CCDC102B: variants seen among roughly 807,000 people sequenced by gnomAD.
CCDC102B encodes the protein coiled-coil domain-containing protein 102B.
In CCDC102B, 75 loss-of-function variants were observed where a neutral mutation model predicts 57.4. The ratio of observed to expected loss-of-function variants is 1.31; its 90% CI spans 1.08 to 1.58. The LOEUF (loss-of-function observed/expected upper bound fraction) is 1.58, where lower values mean the gene tolerates loss of function less well. Among genes scored for constraint, CCDC102B ranks in the 40% most tolerant of loss-of-function variants. The probability of loss-of-function intolerance (pLI) is 0.00; values close to 1 mark genes in which losing one functional copy is unlikely to be tolerated. For synonymous variants in CCDC102B, 206 were observed against 201.9 expected, an observed-to-expected ratio of 1.02 and a Z score of -0.17; for missense variants, 636 against 582.6, an observed-to-expected ratio of 1.09 and a Z score of -0.94.
intron 4 of CCDC102B, among the ~76,000 whole-genome samples, chr18:68,872,571 A>G (rs2039281402): frequency 6.6e-6 from 1 of 151,734 alleles, no homozygotes; most frequent in African/African-American, 2.4e-5. Context: ...ATTCTCTTTT[A>G]TATCTTACAT....
At chr18:68,851,045 T>C (rs1234602635) in intron 4 of CCDC102B, among the ~76,000 whole-genome samples, 2 of 152,210 alleles carry the variant, frequency 1.3e-5, no homozygotes, top group East Asian at 3.8e-4. Context: ...GTCAGCTTCA[T>C]GAGGATATAG....
intron 2 of CCDC102B, among the ~76,000 whole-genome samples, chr18:68,777,215 A>AT (rs1349646786): frequency 6.6e-6 from 1 of 152,178 alleles, no homozygotes; most frequent in African/African-American, 2.4e-5. Flanking sequence ...AACACTCAAT[A>AT]CAAGATCAAG....
At chr18:68,949,973 A>G (rs2049649204) in intron 6 of CCDC102B, among the ~76,000 whole-genome samples, 1 of 152,114 alleles carries the variant, frequency 6.6e-6, no homozygotes, top group South Asian at 2.1e-4. Context: ...GATATCACCA[A>G]CCAGAATACT....
chr18:68,815,460 T>A (rs2036435985), intron 1 of CCDC102B, among the ~76,000 whole-genome samples: 1 of 152,210 alleles, frequency 6.6e-6, no homozygotes, highest in Admixed American at 6.5e-5. Context: ...CTAGTCACTG[T>A]GAAGACAAGG....
Position 68,998,985 on chromosome 18 carries a change from TATATATATATATATAGAG to T in CCDC102B, c.1264-11947_1264-11930del, listed in dbSNP as rs1241009140. Among the ~76,000 whole-genome samples the T allele has an allele frequency of 9.1e-3, 687 of 75,504 alleles. 4 individuals are homozygous for T. Among genetic ancestry groups the T allele is most frequent in the African/African-American group, 0.027 (610 of 22,798 alleles). 49.5% of individuals were successfully genotyped at this position (75,504 alleles called of 152,430 possible). ...TAATCATCATATATATATATATATA[TATATATATATATATAGAG>T]AGAGAGAGAGAGAGAGAGAGAGAGA... On this transcript the variant is annotated intron_variant, in intron 6 of 7. Coordinates refer to ENST00000360242, the MANE Select transcript of CCDC102B (RefSeq NM_024781.3).
intron 6 of CCDC102B, among the ~76,000 whole-genome samples, chr18:68,942,504 T>C (rs571219286): frequency 4.0e-5 from 6 of 151,852 alleles, no homozygotes; most frequent in Non-Finnish European, 8.8e-5. Context: ...AGGGTAGTAA[T>C]GGAGAGAGGG....
At chr18:68,906,515 T>C (rs1195940914) in intron 6 of CCDC102B, among the ~76,000 whole-genome samples, 1 of 152,174 alleles carries the variant, frequency 6.6e-6, no homozygotes, top group African/African-American at 2.4e-5. Context: ...TTGTTTTGTT[T>C]TTTATTTTTG....
At chr18:68,979,510 CTAAAG>C (rs112489593) in intron 6 of CCDC102B, among the ~76,000 whole-genome samples, 5,065 of 151,986 alleles carry the variant, frequency 0.033, 296 homozygotes, top group African/African-American at 0.11. Context: ...TAAAGAACTC[CTAAAG>C]TAGAGTTAAA....
At chr18:68,716,075 C>T (rs552679495) in intron 1 of CCDC102B, among the ~76,000 whole-genome samples, 12 of 152,058 alleles carry the variant, frequency 7.9e-5, no homozygotes, top group African/African-American at 2.7e-4. Context: ...CAGCGCAAGC[C>T]CTCTACAGAT....
intron 2 of CCDC102B, among the ~76,000 whole-genome samples, chr18:68,787,714 T>C (rs1200367699): frequency 1.3e-5 from 2 of 148,494 alleles, no homozygotes; most frequent in African/African-American, 5.0e-5. Context: ...TTGATTCTTC[T>C]CTCTTTTTTT....
chr18:68,765,373 GAAA>G (rs2034427135), intron 2 of CCDC102B, among the ~76,000 whole-genome samples: 1 of 119,790 alleles, frequency 8.3e-6, no homozygotes, highest in African/African-American at 3.2e-5. Flanking sequence ...AAGAAAGAAA[GAAA>G]GAAAAGAAAG....
At chr18:68,730,295 G>A (rs1295488889) in intron 2 of CCDC102B, among the ~76,000 whole-genome samples, 7 of 152,000 alleles carry the variant, frequency 4.6e-5, no homozygotes, top group East Asian at 1.9e-4. Context: ...ATTTAGTGCC[G>A]TGTTTTCTTT....
intron 6 of CCDC102B, among the ~76,000 whole-genome samples, chr18:68,980,991 C>T (rs1568365839): frequency 6.6e-6 from 1 of 151,924 alleles, no homozygotes; most frequent in Non-Finnish European, 1.5e-5. Flanking sequence ...GGCTATTGCA[C>T]CAATTCAGGA....
chr18:68,802,657 AT>A (rs2035896399), intron 1 of CCDC102B, among the ~76,000 whole-genome samples: 1 of 152,216 alleles, frequency 6.6e-6, no homozygotes, highest in Non-Finnish European at 1.5e-5. Context: ...CACATGGTCC[AT>A]TCATTGTCTA....
At chr18:68,800,767 A>G (rs967898532) in intron 1 of CCDC102B, among the ~76,000 whole-genome samples, 7 of 152,194 alleles carry the variant, frequency 4.6e-5, no homozygotes, top group Non-Finnish European at 1.0e-4. Flanking sequence ...AAGGCATTGT[A>G]TAAGTTTCAT....
chr18:68,890,491 T>TG (rs2040036032), intron 5 of CCDC102B, among the ~76,000 whole-genome samples: 1 of 152,182 alleles, frequency 6.6e-6, no homozygotes, highest in Non-Finnish European at 1.5e-5. Flanking sequence ...TACCAAATTT[T>TG]GGGGATTATA....
In CCDC102B at chr18:68,838,707, A is replaced by G. The variant is rs759918411; in HGVS notation, c.608A>G (p.Glu203Gly). ...TGTTTTGTTTTGTTTTGTCTTCAGG[A>G]ACAAGGTGTGGTTATTGATTCTCTA... ...FSTKEDTNNK[E>G]QGVVIDSLKL... The change falls in exon 3 of 8, where the codon GAA (glutamate) becomes GGA (glycine). Residue 203 changes from glutamate to glycine, a missense_variant and splice_region_variant. Physicochemically the swap from Glu to Gly is moderately conservative, Grantham distance 98. Transcript: ENST00000360242. 5.6e-6 allele frequency: 9 copies of G among 1,613,270 alleles called. No homozygotes were observed. In the East Asian group the frequency reaches 2.0e-4, roughly 36 times the overall value.
chr18:68,841,108 A>G (rs75249341), intron 3 of CCDC102B, among the ~76,000 whole-genome samples: 2,979 of 152,302 alleles, frequency 0.02, 100 homozygotes, highest in African/African-American at 0.069. Flanking sequence ...CTATCACAAG[A>G]GAACATTTTC....
intron 6 of CCDC102B, among the ~76,000 whole-genome samples, chr18:68,975,155 A>G (rs2050401685): frequency 6.6e-6 from 1 of 152,004 alleles, no homozygotes; most frequent in African/African-American, 2.4e-5. Context: ...CATCTACCTG[A>G]GGCACCAATG....
Sources: gnomAD v4.1 joint callset for allele counts (sites outside exome capture counted in the v4.1 genomes callset) on GRCh38, gnomAD v4.1.1 for gene constraint, MANE v1.5 for transcripts, NCBI Gene and HGNC (gene_info 2026-07-23, HGNC 2026-07-21) for gene names.